PLA2R1: variants seen among roughly 807,000 people sequenced by gnomAD.
PLA2R1 encodes the protein phospholipase A2 receptor 1.
PLA2R1 carries 158 observed loss-of-function variants against 195.9 expected under a neutral mutation model. That is an observed-to-expected ratio of 0.81 (90% CI 0.71 to 0.92). PLA2R1 has a LOEUF of 0.92. PLA2R1 is among the 40% of genes least tolerant of loss of function. The pLI, the probability that PLA2R1 is intolerant of heterozygous loss-of-function variation, is 0.00. For synonymous variants in PLA2R1, 586 were observed against 598.2 expected, an observed-to-expected ratio of 0.98 and a Z score of 0.30; for missense variants, 1,626 against 1,764.6, an observed-to-expected ratio of 0.92 and a Z score of 1.41.
chr2:159,995,178 AGCTTTTATATT>A (rs1691129383), intron 11 of PLA2R1, among the ~76,000 whole-genome samples: 1 of 152,040 alleles, frequency 6.6e-6, no homozygotes, highest in Non-Finnish European at 1.5e-5. Flanking sequence ...GAAACACAGG[AGCTTTTATATT>A]GCTATTTTCT....
intron 17 of PLA2R1, among the ~76,000 whole-genome samples, chr2:159,971,951 AG>A (rs1267563100): frequency 1.3e-5 from 2 of 152,178 alleles, no homozygotes; most frequent in African/African-American, 4.8e-5. Flanking sequence ...ATGTTCTTAC[AG>A]GCTGAATTCA....
intron 2 of PLA2R1, among the ~76,000 whole-genome samples, chr2:160,043,688 G>A (rs1694689204): frequency 1.3e-5 from 2 of 152,218 alleles, no homozygotes; most frequent in Admixed American, 6.5e-5. Flanking sequence ...GTGTGGGTAT[G>A]TGGCTAAAAA....
intron 10 of PLA2R1, among the ~76,000 whole-genome samples, chr2:160,012,862 A>G (rs1692458951): frequency 6.6e-6 from 1 of 152,170 alleles, no homozygotes; most frequent in Non-Finnish European, 1.5e-5. Flanking sequence ...CAGTGAGCTG[A>G]GACTGCACCA....
At chr2:160,013,994 G>A (rs1166327782) in intron 9 of PLA2R1, among the ~76,000 whole-genome samples, 3 of 152,086 alleles carry the variant, frequency 2.0e-5, no homozygotes, top group Non-Finnish European at 2.9e-5. Flanking sequence ...AGAGGGGAAA[G>A]AGAACATGAA....
intron 23 of PLA2R1, among the ~76,000 whole-genome samples, chr2:159,954,160 G>C (rs1687939183): frequency 6.6e-6 from 1 of 152,062 alleles, no homozygotes; most frequent in Non-Finnish European, 1.5e-5. Flanking sequence ...TAAGCCTCAA[G>C]TTCCTCATCT....
Position 159,956,518 on chromosome 2 carries a change from A to G in PLA2R1, c.3014T>C (p.Val1005Ala). Residue 1005 changes from valine to alanine, a missense_variant, in exon 21 of 30, where the codon GTG (valine) becomes GCG (alanine). Coordinates refer to ENST00000283243, the MANE Select transcript of PLA2R1 (RefSeq NM_007366.5). ...GGTLVAIESE[V>A]EQAFITMNLF... Reference sequence around the variant, plus strand: ...GATCTTGAGTACTCTACCTTGCTCCACCTCACTTTCAATGGCGACCAGGGT... The same window carrying G: ...GATCTTGAGTACTCTACCTTGCTCCGCCTCACTTTCAATGGCGACCAGGGT... The G allele has an allele frequency of 1.3e-6, 2 of 1,594,392 alleles. No individual in the cohort carries two copies. The highest frequency in any genetic ancestry group is 1.7e-6 in the Non-Finnish European group (2 of 1,161,970).
intron 11 of PLA2R1, among the ~76,000 whole-genome samples, chr2:160,004,875 G>C (rs1691867242): frequency 6.6e-6 from 1 of 152,194 alleles, no homozygotes; most frequent in South Asian, 2.1e-4. Flanking sequence ...ACCTGAGGAT[G>C]AACTAGTAGA....
intron 11 of PLA2R1, among the ~76,000 whole-genome samples, chr2:159,990,868 T>C (rs1458072034): frequency 6.7e-6 from 1 of 150,240 alleles, no homozygotes; most frequent in African/African-American, 2.5e-5. Flanking sequence ...ACCAGATTTA[T>C]TTGGGTCTAC....
chr2:160,039,891 T>C (rs1241501263), intron 3 of PLA2R1, among the ~76,000 whole-genome samples: 5 of 151,164 alleles, frequency 3.3e-5, no homozygotes, highest in Non-Finnish European at 5.9e-5. Context: ...GAAACTGTCA[T>C]TGGAAGTTTC....
rs1686838011 is a variant in PLA2R1 at position 159,936,440 on chromosome 2, T to C, written c.*5338A>G. The stretch of plus-strand genomic sequence containing the variant: ...CAAATGGATCTGTTAATGAAATGGA[T>C]ATATCATAGATAAAAATTAATTAGT... On this transcript the variant is annotated 3_prime_UTR_variant, in exon 30 of 30. Transcript: ENST00000283243. 4 of 152,220 alleles carry C rather than the reference T, an allele frequency of 2.6e-5. No individual in the cohort carries two copies. Among genetic ancestry groups the C allele is most frequent in the Admixed American group, 2.6e-4 (4 of 15,274 alleles). 9.4% of individuals were successfully genotyped at this position (152,220 alleles called of 1,614,324 possible). A position where few individuals can be genotyped will look rare whatever the true frequency, so the allele number is the denominator to read the frequency against.
At chr2:159,989,960 T>C (rs1454590851) in intron 11 of PLA2R1, among the ~76,000 whole-genome samples, 1 of 152,198 alleles carries the variant, frequency 6.6e-6, no homozygotes, top group Non-Finnish European at 1.5e-5. Flanking sequence ...AAGGAGATGT[T>C]TGTGAACCAC....
intron 3 of PLA2R1, among the ~76,000 whole-genome samples, chr2:160,034,654 C>T (rs184705190): frequency 2.4e-4 from 37 of 152,288 alleles, no homozygotes; most frequent in Admixed American, 1.0e-3. Context: ...TCATTTAGGA[C>T]AGTCACAGTG....
chr2:159,949,203 A>G (rs1402817553), intron 25 of PLA2R1, among the ~76,000 whole-genome samples: 1 of 152,102 alleles, frequency 6.6e-6, no homozygotes, highest in African/African-American at 2.4e-5. Context: ...ACCTGCATTC[A>G]GGCAAATCCC....
rs558538631 is a variant in PLA2R1 at position 159,969,239 on chromosome 2, T to G, written c.2764+17A>C. On this transcript the variant is annotated intron_variant, in intron 19 of 29. Coordinates refer to ENST00000283243, the MANE Select transcript of PLA2R1 (RefSeq NM_007366.5). ...TCAGTTTGTATTATAAACCCAAAAA[T>G]GGGTAAGTAAAATAACCTGTTATAG... 2.0e-5 allele frequency: 27 copies of G among 1,338,960 alleles called. No homozygotes were observed. In the South Asian group the frequency reaches 2.9e-4, roughly 14 times the overall value. 82.9% of individuals were successfully genotyped at this position (1,338,960 alleles called of 1,614,324 possible).
At chr2:160,010,196 C>T (rs1422451923) in intron 10 of PLA2R1, among the ~76,000 whole-genome samples, 1 of 152,078 alleles carries the variant, frequency 6.6e-6, no homozygotes, top group Non-Finnish European at 1.5e-5. Flanking sequence ...AAATTGAATG[C>T]CATTTGGATT....
At chr2:160,001,035 C>T (rs1440967751) in intron 11 of PLA2R1, among the ~76,000 whole-genome samples, 3 of 151,926 alleles carry the variant, frequency 2.0e-5, no homozygotes, top group Non-Finnish European at 2.9e-5. Context: ...CTTCAGGTTG[C>T]GGGAGTCTAA....
rs887204404 is a variant in PLA2R1, at chr2:159,959,775, A to G, written c.2905-3148T>C. Reference sequence around the variant, plus strand: ...ACCTCAGAGGCATCCTTACCTTCCCACTCCATCTCCCCAACAGCCATACCA... The same window carrying G: ...ACCTCAGAGGCATCCTTACCTTCCCGCTCCATCTCCCCAACAGCCATACCA... On this transcript the variant is annotated intron_variant, in intron 20 of 29. Coordinates refer to ENST00000283243, the MANE Select transcript of PLA2R1 (RefSeq NM_007366.5). 2.0e-5 allele frequency among the ~76,000 whole-genome samples: 3 copies of G among 151,316 alleles called. No homozygotes were observed. In the South Asian group the frequency reaches 6.3e-4, roughly 32 times the overall value.
chr2:160,028,179 C>G lies in PLA2R1; in HGVS notation c.1099+39G>C, dbSNP rs752658083. On this transcript the variant is annotated intron_variant, in intron 6 of 29. Transcript: ENST00000283243. ...ATTTACATATATTGAGAGGACAAGT[C>G]AACAACACCTAAGAACAACTTAAAA... is the stretch of plus-strand genomic sequence containing the variant. The G allele has an allele frequency of 3.5e-6, 5 of 1,428,326 alleles. No individual in the cohort carries two copies. In the South Asian group the frequency reaches 5.2e-5, roughly 15 times the overall value. 88.5% of individuals were successfully genotyped at this position (1,428,326 alleles called of 1,614,324 possible).
chr2:159,979,171 G>A (rs1215925233), intron 14 of PLA2R1, among the ~76,000 whole-genome samples: 1 of 152,132 alleles, frequency 6.6e-6, no homozygotes, highest in Non-Finnish European at 1.5e-5. Context: ...ATGTGCCGTA[G>A]GATGGATCCC....
Sources: gnomAD v4.1 joint callset for allele counts (sites outside exome capture counted in the v4.1 genomes callset) on GRCh38, gnomAD v4.1.1 for gene constraint, MANE v1.5 for transcripts, NCBI Gene and HGNC (gene_info 2026-07-23, HGNC 2026-07-21) for gene names.